Variants in ARHGAP6 observed in about 807,000 individuals in gnomAD.
ARHGAP6 encodes rho GTPase-activating protein 6.
Under a neutral mutation model 55.7 loss-of-function variants are expected in ARHGAP6, and 16 were observed. The ratio of observed to expected loss-of-function variants is 0.29; its 90% CI spans 0.19 to 0.44. The LOEUF (loss-of-function observed/expected upper bound fraction) is 0.44, where lower values mean the gene tolerates loss of function less well. Among genes scored for constraint, ARHGAP6 ranks in the 20% least tolerant of loss-of-function variants. The probability of loss-of-function intolerance (pLI) is 1.00; values close to 1 mark genes in which losing one functional copy is unlikely to be tolerated. For missense variants in ARHGAP6, 698 were observed against 808.9 expected, an observed-to-expected ratio of 0.86 and a Z score of 1.66; for synonymous variants, 382 against 360.9, an observed-to-expected ratio of 1.06 and a Z score of -0.66.
intron 10 of ARHGAP6, 148 bp from the exon 11 acceptor site, chrX:11,144,396 AT>A: frequency 1.3e-6 from 1 of 773,634 alleles, no homozygotes; most frequent in Admixed American, 2.8e-5. Context: ...GTTCCAAGAC[AT>A]GTACATCCAT....
chrX:11,411,355 G>A (rs981370924), intron 1 of ARHGAP6, among the ~76,000 whole-genome samples: 11 of 104,586 alleles, frequency 1.1e-4, no homozygotes, highest in Non-Finnish European at 2.0e-5. Flanking sequence ...CTTTATTTTG[G>A]TATAATTGAT....
At chrX:11,243,485 T>C (rs2047311848) in intron 2 of ARHGAP6, among the ~76,000 whole-genome samples, 1 of 112,563 alleles carries the variant, frequency 8.9e-6, no homozygotes. Context: ...AGTAATAACT[T>C]GTAATGAAGA....
chrX:11,139,470 T>C lies in ARHGAP6; in HGVS notation c.2318A>G (p.Gln773Arg). 1 of 1,175,983 alleles carries C rather than the reference T, an allele frequency of 8.5e-7. No homozygotes were observed. Reference protein sequence around the residue: ...SLRAGPCSLSQGNLSPNWPRW... With the variant: ...SLRAGPCSLSRGNLSPNWPRW... ...AGGCCAATTTGGGGACAGGTTCCCT[T>C]GAGAAAGGGAGCAGGGCCCCGCTCT... Residue 773 changes from glutamine to arginine, a missense_variant, in exon 13 of 13, where the codon CAA becomes CGA. Around this residue, in one of 3 missense-constraint regions of ARHGAP6, gnomAD observed 212 missense variants for 208.7 expected, o/e 1.02. Transcript: ENST00000337414.
intron 1 of ARHGAP6, among the ~76,000 whole-genome samples, chrX:11,433,255 G>A (rs1224879277): frequency 8.9e-6 from 1 of 112,261 alleles, no homozygotes; most frequent in Non-Finnish European, 1.9e-5. Context: ...AATTGGAGTC[G>A]AGAATATGAT....
intron 1 of ARHGAP6, among the ~76,000 whole-genome samples, chrX:11,636,499 T>C (rs886657383): frequency 9.9e-5 from 11 of 111,311 alleles, no homozygotes; most frequent in African/African-American, 3.6e-4. Context: ...CTACAGTAGG[T>C]ACTAGGAAGG....
intron 1 of ARHGAP6, among the ~76,000 whole-genome samples, chrX:11,474,793 G>A (rs1430209204): frequency 9.0e-6 from 1 of 110,947 alleles, no homozygotes; most frequent in Non-Finnish European, 1.9e-5. Flanking sequence ...GAAGGACTTG[G>A]TGCCATTTTT....
intron 1 of ARHGAP6, among the ~76,000 whole-genome samples, chrX:11,373,024 A>T (rs968785229): frequency 9.1e-6 from 1 of 109,299 alleles, no homozygotes. Flanking sequence ...CCTAACCATG[A>T]AACTAAAGAT....
chrX:11,289,971 C>A (rs369128701), intron 1 of ARHGAP6, among the ~76,000 whole-genome samples: 35 of 111,909 alleles, frequency 3.1e-4, no homozygotes, highest in Admixed American at 8.5e-4. Flanking sequence ...GGCGACAGAG[C>A]GAGACTCTGT....
chrX:11,621,960 A>G (rs1268776583), intron 1 of ARHGAP6, among the ~76,000 whole-genome samples: 9 of 112,073 alleles, frequency 8.0e-5, no homozygotes, highest in Non-Finnish European at 1.7e-4. Context: ...TGAACAACAA[A>G]TGGTAGAAGA....
At chrX:11,171,265 C>T (rs1204031128) in intron 8 of ARHGAP6, among the ~76,000 whole-genome samples, 1 of 110,963 alleles carries the variant, frequency 9.0e-6, no homozygotes, top group African/African-American at 3.3e-5. Context: ...ATCAGCCATT[C>T]CTATGCCTTC....
intron 1 of ARHGAP6, among the ~76,000 whole-genome samples, chrX:11,396,774 T>A (rs10712969): frequency 0.074 from 7,992 of 107,626 alleles, 256 homozygotes; most frequent in African/African-American, 0.13. Flanking sequence ...GACTTTTTTT[T>A]AAAAAAATCT....
intron 10 of ARHGAP6, 33 bp downstream of exon 10, chrX:11,156,496 C>T (rs369443547): frequency 7.9e-5 from 88 of 1,114,762 alleles, no homozygotes; most frequent in Non-Finnish European, 9.8e-5. Flanking sequence ...ATCTCCAATG[C>T]GGCTTTAGAA....
At chrX:11,178,042 C>A (rs2046258266) in intron 8 of ARHGAP6, 58 bp downstream of exon 8, 1 of 1,199,244 alleles carries the variant, frequency 8.3e-7, no homozygotes, top group Admixed American at 2.2e-5. Context: ...GGTGGTATGC[C>A]CTTTTAAAAT....
chrX:11,489,812 G>T (rs779946026), intron 1 of ARHGAP6, among the ~76,000 whole-genome samples: 1 of 111,976 alleles, frequency 8.9e-6, no homozygotes, highest in East Asian at 2.8e-4. Flanking sequence ...GAGAGGGCTA[G>T]CAGAGCCAAG....
rs150937997 is a variant in ARHGAP6, at chrX:11,543,693, A to G, written c.588+120548T>C. Among the ~76,000 whole-genome samples, 782 of 112,140 alleles carry G rather than the reference A, an allele frequency of 7.0e-3. 4 individuals carry two copies. The highest frequency in any genetic ancestry group is 8.3e-3 in the Non-Finnish European group (443 of 53,251). On this transcript the variant is annotated intron_variant, in intron 1 of 12. Transcript: ENST00000337414. The stretch of plus-strand genomic sequence containing the variant: ...GGGAACCTGCCAGTGGCAACAAGTG[A>G]CATTGCCACTAGACAAAGCTGAGTT...
intron 8 of ARHGAP6, 34 bp from the exon 9 acceptor site, chrX:11,169,718 T>C: frequency 4.8e-6 from 5 of 1,052,621 alleles, no homozygotes; most frequent in East Asian, 3.4e-5. Context: ...ACTGTTGTTA[T>C]GTTTGCCTTT....
At chrX:11,643,602 C>T (rs964225639) in intron 1 of ARHGAP6, among the ~76,000 whole-genome samples, 2 of 111,600 alleles carry the variant, frequency 1.8e-5, no homozygotes, top group Non-Finnish European at 3.8e-5. Flanking sequence ...GCACTCATTT[C>T]AAAATTCCAA....
At chrX:11,633,485 A>C (rs1183605211) in intron 1 of ARHGAP6, among the ~76,000 whole-genome samples, 1 of 111,804 alleles carries the variant, frequency 8.9e-6, no homozygotes, top group East Asian at 2.8e-4. Flanking sequence ...ATGATGGGTC[A>C]TTTTTAGCAT....
intron 1 of ARHGAP6, among the ~76,000 whole-genome samples, chrX:11,454,670 T>G (rs987869420): frequency 1.8e-5 from 2 of 112,036 alleles, no homozygotes; most frequent in Non-Finnish European, 3.8e-5. Context: ...CTCTGCCTCA[T>G]GTGAGTGACA....
Sources: gnomAD v4.1 joint callset for allele counts (sites outside exome capture counted in the v4.1 genomes callset) on GRCh38, gnomAD v4.1.1 for gene constraint, gnomAD v4.1.1 regional missense constraint, MANE v1.5 for transcripts, NCBI Gene and HGNC (gene_info 2026-07-23, HGNC 2026-07-21) for gene names.